Variants in PROM1 observed in about 807,000 individuals in gnomAD.
The protein encoded by PROM1 is prominin-1.
In PROM1, 105 loss-of-function variants were observed where a neutral mutation model predicts 116.9. The ratio of observed to expected loss-of-function variants is 0.90; its 90% CI spans 0.77 to 1.06. The LOEUF is 1.06. Ranked by LOEUF, PROM1 falls within the 50% of genes least tolerant of loss-of-function variation. The pLI, the probability that PROM1 is intolerant of heterozygous loss-of-function variation, is 0.00. For synonymous variants in PROM1, 393 were observed against 387.0 expected (o/e 1.02, Z -0.18); for missense variants, 1,122 against 1,045.2 (o/e 1.07, Z -1.01).
intron 2 of PROM1, among the ~76,000 whole-genome samples, chr4:16,075,258 T>C (rs1743707996): frequency 6.6e-6 from 1 of 152,192 alleles, no homozygotes; most frequent in Admixed American, 6.5e-5. Flanking sequence ...TTGCATATTG[T>C]GGTGGGCAGA....
At chr4:15,983,973 G>C (rs1480528723) in intron 23 of PROM1, among the ~76,000 whole-genome samples, 1 of 152,144 alleles carries the variant, frequency 6.6e-6, no homozygotes, top group Non-Finnish European at 1.5e-5. Context: ...TTTTGAAGAT[G>C]AGAAATCTGC....
intron 14 of PROM1, among the ~76,000 whole-genome samples, chr4:15,999,980 A>C (rs1723356312): frequency 6.6e-6 from 1 of 152,248 alleles, no homozygotes; most frequent in Non-Finnish European, 1.5e-5. Context: ...GAGAAAGCGA[A>C]GCTTGAATTC....
At chr4:16,053,211 G>T (rs572989471) in intron 2 of PROM1, among the ~76,000 whole-genome samples, 1 of 152,312 alleles carries the variant, frequency 6.6e-6, no homozygotes, top group Admixed American at 6.5e-5. Context: ...GAATAAGCAG[G>T]TGTTCATCTG....
At chr4:16,040,025 G>A (rs978797757) in intron 2 of PROM1, among the ~76,000 whole-genome samples, 4 of 151,988 alleles carry the variant, frequency 2.6e-5, no homozygotes, top group South Asian at 4.2e-4. Context: ...GTGCCTTCCC[G>A]CCACCTGTAC....
At chr4:16,056,433 C>G (rs551681404) in intron 2 of PROM1, among the ~76,000 whole-genome samples, 20 of 152,136 alleles carry the variant, frequency 1.3e-4, no homozygotes, top group Middle Eastern at 6.8e-3. Context: ...GGGCACCACT[C>G]CAGATTCTGG....
intron 1 of PROM1, among the ~76,000 whole-genome samples, chr4:16,080,196 G>A (rs747615501): frequency 3.5e-5 from 5 of 144,434 alleles, no homozygotes; most frequent in Admixed American, 6.9e-5. Flanking sequence ...TGAGCCTGGA[G>A]TCCAGAGAAC....
chr4:16,039,841 G>A (rs1380461168), intron 2 of PROM1, among the ~76,000 whole-genome samples: 1 of 151,960 alleles, frequency 6.6e-6, no homozygotes, highest in South Asian at 2.1e-4. Context: ...TACTCATTTA[G>A]AGTATTTGCA....
intron 2 of PROM1, among the ~76,000 whole-genome samples, chr4:16,058,682 A>G (rs996783476): frequency 6.6e-6 from 1 of 152,122 alleles, no homozygotes; most frequent in African/African-American, 2.4e-5. Context: ...CACCGCATTT[A>G]AAAACTTAGA....
intron 5 of PROM1, among the ~76,000 whole-genome samples, chr4:16,027,875 T>A (rs1468757820): frequency 6.6e-6 from 1 of 152,208 alleles, no homozygotes; most frequent in Non-Finnish European, 1.5e-5. Context: ...TGAATAAATG[T>A]CCTTACTCAC....
intron 2 of PROM1, among the ~76,000 whole-genome samples, chr4:16,064,758 T>C (rs1741123463): frequency 6.6e-6 from 1 of 151,962 alleles, no homozygotes; most frequent in Non-Finnish European, 1.5e-5. Flanking sequence ...CCAGGCATGG[T>C]GGCGGGCGCC....
intron 23 of PROM1, among the ~76,000 whole-genome samples, chr4:15,982,070 G>A (rs1010459403): frequency 1.8e-4 from 27 of 152,328 alleles, no homozygotes; most frequent in East Asian, 3.9e-4. Context: ...TAGATGTCAC[G>A]GGCTGAATGC....
intron 1 of PROM1, among the ~76,000 whole-genome samples, chr4:16,082,805 T>TG (rs946508605): frequency 2.0e-5 from 3 of 151,952 alleles, no homozygotes; most frequent in African/African-American, 7.3e-5. Flanking sequence ...CCGATCCGAC[T>TG]CCCTGCCCCT....
At chr4:16,077,563 TC>T (rs1744223596) in intron 1 of PROM1, among the ~76,000 whole-genome samples, 1 of 152,192 alleles carries the variant, frequency 6.6e-6, no homozygotes, top group Non-Finnish European at 1.5e-5. Flanking sequence ...TGTGTCTTTT[TC>T]TTTTCCAAGT....
chr4:16,011,181 C>T (rs1726802391), intron 11 of PROM1, among the ~76,000 whole-genome samples: 1 of 152,146 alleles, frequency 6.6e-6, no homozygotes, highest in Non-Finnish European at 1.5e-5. Flanking sequence ...GGCATATACC[C>T]TCTTCAAACC....
At chr4:16,019,562 G>A (rs1028960442) in intron 8 of PROM1, among the ~76,000 whole-genome samples, 29 of 152,220 alleles carry the variant, frequency 1.9e-4, no homozygotes, top group Non-Finnish European at 8.8e-5. Flanking sequence ...AAAATTGTTT[G>A]CTATCCTGAT....
chr4:16,005,360 A>C (rs1725152640), intron 13 of PROM1, among the ~76,000 whole-genome samples: 1 of 152,104 alleles, frequency 6.6e-6, no homozygotes, highest in Admixed American at 6.5e-5. Context: ...ATTAGCTCTA[A>C]GGTGATTTTA....
At chr4:16,001,743 G>A (rs939744249) in intron 13 of PROM1, among the ~76,000 whole-genome samples, 1 of 152,182 alleles carries the variant, frequency 6.6e-6, no homozygotes, top group Non-Finnish European at 1.5e-5. Context: ...GGAGGGCACA[G>A]GCAGCAAGCG....
intron 2 of PROM1, 27 bp downstream of exon 2, chr4:16,075,660 C>T: frequency 1.3e-6 from 2 of 1,582,370 alleles, no homozygotes; most frequent in Non-Finnish European, 1.7e-6. Context: ...GAGATAAATC[C>T]TATCTTTCCC....
intron 8 of PROM1, among the ~76,000 whole-genome samples, chr4:16,019,473 T>C (rs1419878444): frequency 2.0e-5 from 3 of 152,204 alleles, no homozygotes. Flanking sequence ...TTAAACAATG[T>C]TTTCAGTTCA....
Sources: allele counts gnomAD v4.1 joint callset (sites outside exome capture counted in the v4.1 genomes callset), GRCh38; gene constraint gnomAD v4.1.1; transcripts MANE v1.5; gene names NCBI Gene and HGNC (gene_info 2026-07-23, HGNC 2026-07-21).